The following AFAP1L2 variants were observed in gnomAD, a reference collection of about 807,000 sequenced individuals.
AFAP1L2 encodes the protein actin filament associated protein 1 like 2.
A neutral mutation model predicts 99.3 loss-of-function variants in AFAP1L2; 46 were observed. The observed-to-expected ratio is 0.46, with a 90% CI of 0.37 to 0.59. The LOEUF (loss-of-function observed/expected upper bound fraction) is 0.59. Among genes scored for constraint, AFAP1L2 ranks in the 20% least tolerant of loss-of-function variants. AFAP1L2 has a pLI of 0.00. For synonymous variants in AFAP1L2, 397 were observed against 419.1 expected (o/e 0.95, Z 0.64); for missense variants, 959 against 1,034.9 (o/e 0.93, Z 1.01).
At chr10:114,306,308 C>T (rs58395123) in intron 10 of AFAP1L2, among the ~76,000 whole-genome samples, 2,754 of 84,754 alleles carry the variant, frequency 0.032, 149 homozygotes, top group African/African-American at 0.11. Context: ...CAGGAGGGGA[C>T]GCAGATCCAG....
In AFAP1L2 at chr10:114,314,124, C is replaced by G. The variant is rs145601026; in HGVS notation, c.613-74G>C. ...GAGGTGATGTCTGCAAAGGAGGGGC[C>G]GCTGGACGTTGCAGGACTCACCAAG... On this transcript the variant is annotated intron_variant, in intron 6 of 18. Transcript: ENST00000304129. 1.1e-4 allele frequency: 156 copies of G among 1,473,384 alleles called. No individual in the cohort carries two copies. The East Asian group carries it at 2.9e-3, about 27-fold the overall frequency. The allele number at this position is 1,473,384 out of a possible 1,614,324, so 91.3% of individuals were successfully genotyped here. A position where few individuals can be genotyped will look rare whatever the true frequency, so the allele number is the denominator to read the frequency against.
intron 1 of AFAP1L2, among the ~76,000 whole-genome samples, chr10:114,381,057 A>G (rs2055547750): frequency 6.6e-6 from 1 of 152,238 alleles, no homozygotes; most frequent in African/African-American, 2.4e-5. Flanking sequence ...TGTCCATTCA[A>G]AAACTTGTAC....
At chr10:114,312,235 GTGTGTGTGTGT>G (rs2043360838) in intron 7 of AFAP1L2, among the ~76,000 whole-genome samples, 1 of 400 alleles carries the variant, frequency 2.5e-3, no homozygotes, top group Admixed American at 0.12. Flanking sequence ...CAAGAGCAGA[GTGTGTGTGTGT>G]GTGTGTGTGT....
chr10:114,301,309 G>C, intron 13 of AFAP1L2, 45 bp downstream of exon 13: 1 of 1,483,264 alleles, frequency 6.7e-7, no homozygotes. Context: ...GTTGGTAGGA[G>C]GAGGGCCTGG....
At position 114,369,387 on chromosome 10, in the gene AFAP1L2, A is replaced by C. The variant is rs541220605; in HGVS notation, c.17-28656T>G. 1.6e-3 allele frequency among the ~76,000 whole-genome samples: 240 copies of C among 152,248 alleles called. 1 individual carries two copies. The highest frequency in any genetic ancestry group is 5.6e-3 in the African/African-American group (233 of 41,548). On this transcript the variant is annotated intron_variant, in intron 1 of 18. Transcript: ENST00000304129. ...GAGGCGGGCGGATCACGAGGTCAGGAGATCGAGACCATCCTGGCTAACATG... is the reference window on the plus strand; with the variant it reads ...GAGGCGGGCGGATCACGAGGTCAGGCGATCGAGACCATCCTGGCTAACATG...
intron 10 of AFAP1L2, among the ~76,000 whole-genome samples, chr10:114,306,548 T>C (rs1452337432): frequency 6.6e-6 from 1 of 152,034 alleles, no homozygotes; most frequent in African/African-American, 2.4e-5. Context: ...CACAGCTACC[T>C]TCCTGCCTGG....
chr10:114,310,653 C>T (rs1259057544), intron 7 of AFAP1L2, among the ~76,000 whole-genome samples: 7 of 152,322 alleles, frequency 4.6e-5, no homozygotes, highest in Admixed American at 2.0e-4. Context: ...GGGGAGGGCT[C>T]GTTGTTTAGC....
intron 4 of AFAP1L2, chr10:114,325,827 C>A: frequency 8.1e-6 from 10 of 1,239,442 alleles, no homozygotes; most frequent in Non-Finnish European, 1.0e-5. Context: ...ACAGACTTGC[C>A]TGTGGTCCAC....
chr10:114,299,726 G>A (rs570761354), intron 15 of AFAP1L2, among the ~76,000 whole-genome samples: 13 of 152,316 alleles, frequency 8.5e-5, no homozygotes, highest in East Asian at 1.9e-4. Flanking sequence ...AGGCAGACCC[G>A]CTCTCAGTCT....
At chr10:114,339,574 C>G (rs545088968) in intron 2 of AFAP1L2, among the ~76,000 whole-genome samples, 43 of 152,296 alleles carry the variant, frequency 2.8e-4, no homozygotes, top group African/African-American at 1.0e-3. Context: ...GAAGTGTGTC[C>G]CCTGAAAATT....
chr10:114,288,987 C>T, the AFAP1L2 span: 1 of 1,613,946 alleles, frequency 6.2e-7, no homozygotes, highest in African/African-American at 1.3e-5. Context: ...ACACCTCTGC[C>T]TCAGTAGGGC....
At chr10:114,327,381 T>C (rs1325915176) in intron 4 of AFAP1L2, among the ~76,000 whole-genome samples, 2 of 151,446 alleles carry the variant, frequency 1.3e-5, no homozygotes, top group Non-Finnish European at 2.9e-5. Context: ...CTCAAACTCC[T>C]GACCTCAGGT....
At chr10:114,399,267 C>A (rs2058024706) in intron 1 of AFAP1L2, among the ~76,000 whole-genome samples, 1 of 151,754 alleles carries the variant, frequency 6.6e-6, no homozygotes, top group Non-Finnish European at 1.5e-5. Flanking sequence ...ATATTTGTTG[C>A]CCACCTGCGA....
Position 114,395,092 on chromosome 10 carries a change from G to A in AFAP1L2, c.16+9348C>T, listed in dbSNP as rs74157601. ...TCAAGGACCAGCTGCCCTGCACTAG[G>A]CAGTCAAGCAGTAGGTGCCACTTCA... On this transcript the variant is annotated intron_variant, in intron 1 of 18. Coordinates refer to ENST00000304129, the MANE Select transcript of AFAP1L2 (RefSeq NM_001001936.3). Among the ~76,000 whole-genome samples, 171 of 152,246 alleles carry A rather than the reference G, an allele frequency of 1.1e-3. 1 individual carries two copies. Among genetic ancestry groups the A allele is most frequent in the African/African-American group, 4.0e-3 (165 of 41,546 alleles).
chr10:114,350,314 G>A lies in AFAP1L2; in HGVS notation c.17-9583C>T, dbSNP rs142621162. On this transcript the variant is annotated intron_variant, in intron 1 of 18. Coordinates refer to ENST00000304129, the MANE Select transcript of AFAP1L2 (RefSeq NM_001001936.3). The stretch of plus-strand genomic sequence containing the variant: ...ATAGCACACAGGGCTATTACTTGAC[G>A]ATTCAGCCGTCTTTATTGTTCTCTG... Among the ~76,000 whole-genome samples, 139 of 152,310 alleles carry A rather than the reference G, an allele frequency of 9.1e-4. 4 individuals are homozygous for A. The highest frequency in any genetic ancestry group is 3.1e-3 in the African/African-American group (127 of 41,550).
At chr10:114,307,117 C>T (rs971993565) in intron 10 of AFAP1L2, among the ~76,000 whole-genome samples, 1 of 152,172 alleles carries the variant, frequency 6.6e-6, no homozygotes, top group Non-Finnish European at 1.5e-5. Flanking sequence ...CTTGTCGCTC[C>T]TCCTAACCTC....
intron 11 of AFAP1L2, among the ~76,000 whole-genome samples, chr10:114,303,199 A>G (rs1164392682): frequency 1.3e-5 from 2 of 149,614 alleles, no homozygotes; most frequent in Non-Finnish European, 2.9e-5. Context: ...GATGAGGAAA[A>G]TCAGCCCCCT....
At chr10:114,312,224 G>C (rs1392690494) in intron 7 of AFAP1L2, among the ~76,000 whole-genome samples, 8 of 151,652 alleles carry the variant, frequency 5.3e-5, no homozygotes, top group African/African-American at 1.9e-4. Context: ...GGAACTGGGG[G>C]CAAGAGCAGA....
At chr10:114,352,817 T>A (rs1177757258) in intron 1 of AFAP1L2, among the ~76,000 whole-genome samples, 1 of 152,206 alleles carries the variant, frequency 6.6e-6, no homozygotes, top group African/African-American at 2.4e-5. Context: ...TTTCCACTGC[T>A]CCGACAGCCA....
Sources: allele counts gnomAD v4.1 joint callset (sites outside exome capture counted in the v4.1 genomes callset), GRCh38; gene constraint gnomAD v4.1.1; transcripts MANE v1.5; gene names NCBI Gene and HGNC (gene_info 2026-07-23, HGNC 2026-07-21).